The following LVRN variants were observed in gnomAD, a reference collection of about 807,000 sequenced individuals.
The protein encoded by LVRN is laeverin.
A neutral mutation model predicts 111.4 loss-of-function variants in LVRN; 99 were observed. The ratio of observed to expected loss-of-function variants is 0.89; its 90% CI spans 0.76 to 1.05. LVRN has a LOEUF of 1.05. Among genes scored for constraint, LVRN ranks in the 50% least tolerant of loss-of-function variants. LVRN has a pLI of 0.00. For missense variants in LVRN, 1,414 were observed against 1,206.8 expected, an observed-to-expected ratio of 1.17 and a Z score of -2.54; for synonymous variants, 488 against 449.5, an observed-to-expected ratio of 1.09 and a Z score of -1.08.
intron 18 of LVRN, chr5:116,022,039 G>A (rs1748741203): frequency 4.6e-6 from 1 of 216,686 alleles, no homozygotes; most frequent in African/African-American, 2.4e-5. Flanking sequence ...ATGAACTACT[G>A]TTTTTTAAGG....
At chr5:115,975,404 A>G (rs1753422803) in intron 1 of LVRN, 1 of 201,428 alleles carries the variant, frequency 5.0e-6, no homozygotes, top group African/African-American at 2.4e-5. Flanking sequence ...CCACCGTATA[A>G]CAAATGCTTC....
intron 5 of LVRN, among the ~76,000 whole-genome samples, chr5:115,993,059 T>A (rs1580386640): frequency 6.6e-6 from 1 of 152,232 alleles, no homozygotes; most frequent in African/African-American, 2.4e-5. Flanking sequence ...TATTATAGCC[T>A]AAGTTACACA....
chr5:115,997,480 A>G (rs935431389), intron 6 of LVRN, among the ~76,000 whole-genome samples: 3 of 152,006 alleles, frequency 2.0e-5, no homozygotes, highest in African/African-American at 4.8e-5. Flanking sequence ...CCTGGGCAAC[A>G]TAGTGAAATC....
At chr5:115,992,355 G>T (rs1463304560) in intron 5 of LVRN, 78 bp downstream of exon 5, 16 of 1,488,026 alleles carry the variant, frequency 1.1e-5, no homozygotes, top group Admixed American at 7.1e-5. Context: ...AAAAACCCCA[G>T]TAAGACCCTG....
intron 1 of LVRN, 143 bp from the exon 2 acceptor site, chr5:115,983,144 G>A: frequency 1.2e-6 from 1 of 837,202 alleles, no homozygotes. Flanking sequence ...GTGTGTTGGT[G>A]TGATGGGATG....
chr5:115,964,914 A>G lies in LVRN; in HGVS notation c.695+1602A>G, dbSNP rs531257177. Among the ~76,000 whole-genome samples, 64 of 152,216 alleles carry G rather than the reference A, an allele frequency of 4.2e-4. 1 individual carries two copies. The highest frequency in any genetic ancestry group is 7.6e-4 in the Non-Finnish European group (52 of 68,030). On this transcript the variant is annotated intron_variant, in intron 1 of 19. Coordinates refer to ENST00000357872, the MANE Select transcript of LVRN (RefSeq NM_173800.5). Reference sequence around the variant, plus strand: ...CTGCTTCTGAAACCACAAGGAAAAGACACCTAAGGTTAAGCTTGAAGCCAG... The same window carrying G: ...CTGCTTCTGAAACCACAAGGAAAAGGCACCTAAGGTTAAGCTTGAAGCCAG...
At chr5:115,967,534 A>C (rs1753228915) in intron 1 of LVRN, among the ~76,000 whole-genome samples, 1 of 152,196 alleles carries the variant, frequency 6.6e-6, no homozygotes, top group Non-Finnish European at 1.5e-5. Context: ...GCAGCTATAC[A>C]ATAAGTCTTG....
At chr5:115,990,364 T>C (rs998153792) in intron 4 of LVRN, among the ~76,000 whole-genome samples, 6 of 152,216 alleles carry the variant, frequency 3.9e-5, no homozygotes, top group African/African-American at 1.4e-4. Flanking sequence ...TAATTAATGA[T>C]GAACATTTTA....
At chr5:115,982,222 C>G (rs1423899670) in intron 1 of LVRN, among the ~76,000 whole-genome samples, 1 of 152,124 alleles carries the variant, frequency 6.6e-6, no homozygotes, top group Non-Finnish European at 1.5e-5. Flanking sequence ...ACGTGCCAAC[C>G]GTCCTATGTG....
chr5:115,964,057 T>C (rs1291071248), intron 1 of LVRN, among the ~76,000 whole-genome samples: 1 of 152,240 alleles, frequency 6.6e-6, no homozygotes, highest in Non-Finnish European at 1.5e-5. Context: ...TAATATCTCC[T>C]ACACGGAATG....
At position 116,001,112 on chromosome 5, in the gene LVRN, A is replaced by G. The variant is rs1210008311; in HGVS notation, c.1693A>G (p.Asn565Asp). The change falls in exon 10 of 20, where the codon AAC becomes GAC. Residue 565 changes from asparagine to aspartate, a missense_variant. Physicochemically the swap from Asn to Asp is conservative, Grantham distance 23 (BLOSUM62 1). Transcript: ENST00000357872. Reference sequence around the variant, plus strand: ...AGTTATTTTGCCAGCAACAATAAAAAACATAATGGACAGTTGGACACACCA... The same window carrying G: ...AGTTATTTTGCCAGCAACAATAAAAGACATAATGGACAGTTGGACACACCA... Reference protein sequence around the residue: ...STVILPATIKNIMDSWTHQSG... With the variant: ...STVILPATIKDIMDSWTHQSG... 1 of 1,611,796 alleles carries G rather than the reference A, an allele frequency of 6.2e-7. No individual in the cohort carries two copies. Among genetic ancestry groups the G allele is most frequent in the South Asian group, 1.1e-5 (1 of 90,508 alleles).
intron 2 of LVRN, 112 bp from the exon 3 acceptor site, chr5:115,984,458 A>G: frequency 3.1e-6 from 4 of 1,303,212 alleles, no homozygotes; most frequent in Non-Finnish European, 4.2e-6. Flanking sequence ...CTGCTAGACT[A>G]TGAGGAATAG....
At chr5:115,991,216 C>G (rs114294639) in intron 4 of LVRN, among the ~76,000 whole-genome samples, 1,852 of 152,256 alleles carry the variant, frequency 0.012, 41 homozygotes, top group African/African-American at 0.034. Context: ...CCTGCTTCCC[C>G]CGAATCCCTG....
intron 1 of LVRN, among the ~76,000 whole-genome samples, chr5:115,970,350 T>C (rs1176608613): frequency 2.0e-5 from 3 of 152,224 alleles, no homozygotes; most frequent in Admixed American, 6.5e-5. Flanking sequence ...ATGTCTAACT[T>C]CTTTCGTTCA....
intron 1 of LVRN, among the ~76,000 whole-genome samples, chr5:115,964,614 TGCTGTAGG>T (rs1189396946): frequency 1.3e-5 from 2 of 151,806 alleles, no homozygotes; most frequent in Admixed American, 6.6e-5. Context: ...TTTTTTTTCT[TGCTGTAGG>T]TCAGTAAATC....
chr5:115,969,341 T>C (rs1753272145), intron 1 of LVRN, among the ~76,000 whole-genome samples: 2 of 152,196 alleles, frequency 1.3e-5, no homozygotes, highest in African/African-American at 4.8e-5. Context: ...TGCCTGACAT[T>C]ACAGGCAGGT....
intron 4 of LVRN, among the ~76,000 whole-genome samples, chr5:115,990,553 G>T (rs939026178): frequency 1.3e-5 from 2 of 151,894 alleles, no homozygotes; most frequent in South Asian, 4.2e-4. Flanking sequence ...GTGTATTTTG[G>T]TGAACTAAAG....
chr5:116,014,354 T>C, intron 15 of LVRN, 66 bp from the exon 16 acceptor site: 1 of 1,106,464 alleles, frequency 9.0e-7, no homozygotes, highest in Non-Finnish European at 1.4e-6. Flanking sequence ...ACACATATTC[T>C]TGGAGGCAGA....
chr5:116,025,802 C>T (rs533328985), intron 19 of LVRN, among the ~76,000 whole-genome samples, 176 bp from the exon 20 acceptor site: 2 of 152,314 alleles, frequency 1.3e-5, no homozygotes, highest in East Asian at 3.9e-4. Context: ...TGGTGTTCAT[C>T]ACATTGTCTC....
Sources: gnomAD v4.1 joint callset for allele counts (sites outside exome capture counted in the v4.1 genomes callset) on GRCh38, gnomAD v4.1.1 for gene constraint, MANE v1.5 for transcripts, NCBI Gene and HGNC (gene_info 2026-07-23, HGNC 2026-07-21) for gene names.